The following ELP4 variants were observed in gnomAD, a reference collection of about 807,000 sequenced individuals.
ELP4 encodes the protein elongator complex protein 4.
ELP4 carries 51 observed loss-of-function variants against 48.9 expected under a neutral mutation model. That is an observed-to-expected ratio of 1.04 (90% CI 0.83 to 1.32). ELP4 has a LOEUF of 1.32. Ranked by LOEUF, ELP4 falls within the 40% of genes most tolerant of loss-of-function variation. The pLI is 0.00. For synonymous variants in ELP4, 210 were observed against 189.2 expected (o/e 1.11, Z -0.90); for missense variants, 519 against 514.6 (o/e 1.01, Z -0.08).
In ELP4 at chr11:31,560,698, A is replaced by ATATAAAACAACGTTGTTT. The variant is rs1957006837; in HGVS notation, c.381+20920_381+20937dup. On this transcript the variant is annotated intron_variant, in intron 3 of 9. Transcript: ENST00000640961. ...ATAAAGACCACATTGTTTTATATATATATAAAACAACGTTGTTTTATATAT... is the reference window on the plus strand; with the variant it reads ...ATAAAGACCACATTGTTTTATATATATATAAAACAACGTTGTTTTATAAAACAACGTTGTTTTATATAT... Among the ~76,000 whole-genome samples the ATATAAAACAACGTTGTTT allele has an allele frequency of 2.0e-5, 3 of 147,658 alleles. No individual in the cohort carries two copies. The South Asian group carries it at 6.3e-4, about 31-fold the overall frequency.
intron 1 of ELP4, among the ~76,000 whole-genome samples, 149 bp from the exon 2 acceptor site, chr11:31,519,898 TAGCACCTTG>T (rs2133878240): frequency 6.6e-6 from 1 of 152,172 alleles, no homozygotes; most frequent in South Asian, 2.1e-4. Context: ...TATTTCATAA[TAGCACCTTG>T]AGCAAAGTAT....
chr11:31,570,753 G>T (rs1321109888), intron 3 of ELP4, among the ~76,000 whole-genome samples: 5 of 146,382 alleles, frequency 3.4e-5, no homozygotes, highest in Non-Finnish European at 7.5e-5. Context: ...GCTGGTATGA[G>T]AGGCGTGAGC....
Position 31,668,675 on chromosome 11 carries a change from C to CATGTGTGT in ELP4, c.1143+18454_1143+18455insATGTGTGT, listed in dbSNP as rs757792983. ...ATCGGAATGAAATTTCCTTTGGTACCGTGTGTGTGTGTGTGTGTGTGTGTG... is the reference window on the plus strand; with the variant it reads ...ATCGGAATGAAATTTCCTTTGGTACCATGTGTGTGTGTGTGTGTGTGTGTGTGTGTGTG... On this transcript the variant is annotated intron_variant, in intron 9 of 9. Coordinates refer to ENST00000640961, the MANE Select transcript of ELP4 (RefSeq NM_019040.5). 3.8e-3 allele frequency among the ~76,000 whole-genome samples: 456 copies of CATGTGTGT among 121,094 alleles called. 26 individuals carry two copies. Among genetic ancestry groups the CATGTGTGT allele is most frequent in the African/African-American group, 9.1e-3 (293 of 32,252 alleles). The allele number at this position is 121,094 out of a possible 152,430, so 79.4% of individuals were successfully genotyped here. A position where few individuals can be genotyped will look rare whatever the true frequency, so the allele number is the denominator to read the frequency against.
chr11:31,526,958 A>G (rs147688328), intron 2 of ELP4, among the ~76,000 whole-genome samples: 1 of 151,940 alleles, frequency 6.6e-6, no homozygotes, highest in African/African-American at 2.4e-5. Context: ...AGCCTTTTGT[A>G]TAGTCTGTAC....
chr11:31,687,147 T>C (rs1253371878), intron 9 of ELP4, among the ~76,000 whole-genome samples: 2 of 152,002 alleles, frequency 1.3e-5, no homozygotes, highest in East Asian at 1.9e-4. Context: ...ATAGGGACCA[T>C]AGGAAAAGAT....
chr11:31,525,607 T>G (rs1335599880), intron 2 of ELP4, among the ~76,000 whole-genome samples: 1 of 152,006 alleles, frequency 6.6e-6, no homozygotes, highest in Non-Finnish European at 1.5e-5. Flanking sequence ...GTAGAGAGAG[T>G]ACATATTTAG....
In ELP4 at chr11:31,637,445, A is replaced by G. The variant is rs529119184; in HGVS notation, c.927+5040A>G. 12 of 152,096 alleles carry G rather than the reference A, an allele frequency of 7.9e-5. No homozygotes were observed. In the East Asian group the frequency reaches 2.3e-3, roughly 29 times the overall value. The allele number at this position is 152,096 out of a possible 1,614,324, so 9.4% of individuals were successfully genotyped here. A position where few individuals can be genotyped will look rare whatever the true frequency, so the allele number is the denominator to read the frequency against. On this transcript the variant is annotated intron_variant, in intron 7 of 9. Transcript: ENST00000640961. ...AACACTATATTTAAACTCTTCCTAC[A>G]TATTATTATAATTATAAGAATATTA...
rs182801074 is a variant in ELP4, at chr11:31,741,505, C to T, written c.1144-41888C>T. On this transcript the variant is annotated intron_variant, in intron 9 of 9. Transcript: ENST00000640961. The stretch of plus-strand genomic sequence containing the variant: ...ACTGGGAGACACCCCCCAGTAGGGG[C>T]GGACTGACACCTCACACAGCCGGGT... 6.6e-4 allele frequency among the ~76,000 whole-genome samples: 100 copies of T among 152,274 alleles called. No homozygotes were observed. The Middle Eastern group carries it at 0.014, about 21-fold the overall frequency.
intron 9 of ELP4, among the ~76,000 whole-genome samples, chr11:31,671,562 C>T (rs1278990455): frequency 6.6e-6 from 1 of 152,038 alleles, no homozygotes; most frequent in Non-Finnish European, 1.5e-5. Context: ...TCTTTATAAA[C>T]AAGGTATTTT....
At chr11:31,705,579 A>T (rs565815171) in intron 9 of ELP4, among the ~76,000 whole-genome samples, 2 of 152,312 alleles carry the variant, frequency 1.3e-5, no homozygotes, top group Non-Finnish European at 2.9e-5. Context: ...TTGACATGTT[A>T]ATTATTCAAA....
rs1317963567 is a variant in ELP4 at position 31,520,073 on chromosome 11, G to A, written c.241G>A (p.Gly81Arg). ...DQLLGGGLAV[G>R]TVLLIEEDKY... is the part of the protein sequence containing the mutation. The stretch of plus-strand genomic sequence containing the variant: ...ATTTCCAGGTGGAGGTTTAGCCGTT[G>A]GAACAGTTCTTCTAATTGGTTAGTA... The change falls in exon 2 of 10, where the codon GGA becomes AGA. Residue 81 changes from glycine (G) to arginine (R), a missense_variant. Gly to Arg is a moderately radical substitution (Grantham distance 125). Coordinates refer to ENST00000640961, the MANE Select transcript of ELP4 (RefSeq NM_019040.5). 2 of 1,612,642 alleles carry A rather than the reference G, an allele frequency of 1.2e-6. No homozygotes were observed. Among genetic ancestry groups the A allele is most frequent in the Non-Finnish European group, 8.5e-7 (1 of 1,179,500 alleles).
intron 3 of ELP4, among the ~76,000 whole-genome samples, chr11:31,575,930 A>C (rs1248489564): frequency 6.6e-6 from 1 of 152,210 alleles, no homozygotes; most frequent in Non-Finnish European, 1.5e-5. Context: ...GATCAAATTC[A>C]CACATAACAA....
chr11:31,640,571 G>A (rs774410654), intron 7 of ELP4, among the ~76,000 whole-genome samples: 29 of 151,604 alleles, frequency 1.9e-4, no homozygotes, highest in Non-Finnish European at 3.5e-4. Context: ...TAATGTTTTC[G>A]CACCCTATGT....
chr11:31,549,391 C>G (rs1384867639), intron 3 of ELP4, among the ~76,000 whole-genome samples: 1 of 152,218 alleles, frequency 6.6e-6, no homozygotes, highest in East Asian at 1.9e-4. Flanking sequence ...AAAAAATGCT[C>G]ACCATCACTG....
intron 3 of ELP4, among the ~76,000 whole-genome samples, chr11:31,540,756 A>G (rs1321206249): frequency 6.6e-6 from 1 of 152,250 alleles, no homozygotes; most frequent in Admixed American, 6.5e-5. Context: ...AAAACATTAG[A>G]TAAAGAAAAC....
chr11:31,731,603 G>A (rs1039374595), intron 9 of ELP4, among the ~76,000 whole-genome samples: 1 of 61,548 alleles, frequency 1.6e-5, no homozygotes. Flanking sequence ...TGTGTGTGTA[G>A]TCTGTGAAGA....
chr11:31,549,591 G>A (rs1335054718), intron 3 of ELP4, among the ~76,000 whole-genome samples: 2 of 151,792 alleles, frequency 1.3e-5, no homozygotes, highest in African/African-American at 4.8e-5. Flanking sequence ...ATTCCTCAGG[G>A]ATCTAGAACT....
chr11:31,545,830 G>A (rs758276240), intron 3 of ELP4, among the ~76,000 whole-genome samples: 1 of 152,146 alleles, frequency 6.6e-6, no homozygotes, highest in South Asian at 2.1e-4. Context: ...GGCCAATATT[G>A]AACATTCTTA....
rs1592201914 is a variant in ELP4, at chr11:31,662,614, A to G, written c.1143+12393A>G. On this transcript the variant is annotated intron_variant, in intron 9 of 9. Coordinates refer to ENST00000640961, the MANE Select transcript of ELP4 (RefSeq NM_019040.5). ...CAAAGAAAATTTTCTATAAAGAAGA[A>G]CCCCTACTTTAAAAAGCCGCATACT... The G allele has an allele frequency of 1.0e-5, 4 of 397,892 alleles. No individual in the cohort carries two copies. In the East Asian group the frequency reaches 1.4e-4, roughly 14 times the overall value. The allele number at this position is 397,892 out of a possible 1,614,324, so 24.6% of individuals were successfully genotyped here.
Sources: allele counts gnomAD v4.1 joint callset (sites outside exome capture counted in the v4.1 genomes callset), GRCh38; gene constraint gnomAD v4.1.1; transcripts MANE v1.5; gene names NCBI Gene and HGNC (gene_info 2026-07-23, HGNC 2026-07-21).